ZBTB43: variants seen among roughly 807,000 people sequenced by gnomAD.
ZBTB43 encodes zinc finger and BTB domain-containing protein 43.
A neutral mutation model predicts 31.1 loss-of-function variants in ZBTB43; 6 were observed. That is an observed-to-expected ratio of 0.19 (90% CI 0.11 to 0.38). The LOEUF (loss-of-function observed/expected upper bound fraction) is 0.38, where lower values mean the gene tolerates loss of function less well. ZBTB43 is among the 10% of genes least tolerant of loss of function. ZBTB43 has a pLI of 1.00. For synonymous variants in ZBTB43, 212 were observed against 221.7 expected, an observed-to-expected ratio of 0.96 and a Z score of 0.39; for missense variants, 379 against 602.1, an observed-to-expected ratio of 0.63 and a Z score of 3.88.
chr9:126,822,719 A>G (rs1056460918), intron 2 of ZBTB43, among the ~76,000 whole-genome samples: 2 of 152,178 alleles, frequency 1.3e-5, no homozygotes, highest in African/African-American at 4.8e-5. Context: ...CATCCTGGGC[A>G]GCAGAGCGAG....
intron 2 of ZBTB43, among the ~76,000 whole-genome samples, chr9:126,821,169 A>C (rs1162342917): frequency 6.6e-6 from 1 of 151,734 alleles, no homozygotes; most frequent in Non-Finnish European, 1.5e-5. Flanking sequence ...AGGAGTTTGA[A>C]ACCAGCCTAG....
rs549151696 is a variant in ZBTB43, at chr9:126,813,376, C to T, written c.-24+4461C>T. On this transcript the variant is annotated intron_variant, in intron 2 of 2. Transcript: ENST00000373464. ...CTCCTGCTTTAGTCCGTCAGCAGATCAACCTTCCTTAACCATGCCTCACAG... is the reference window on the plus strand; with the variant it reads ...CTCCTGCTTTAGTCCGTCAGCAGATTAACCTTCCTTAACCATGCCTCACAG... Among the ~76,000 whole-genome samples, 7 of 152,334 alleles carry T rather than the reference C, an allele frequency of 4.6e-5. No individual in the cohort carries two copies. In the East Asian group the frequency reaches 1.2e-3, roughly 25 times the overall value.
rs200047024 is a variant in ZBTB43 at position 126,833,164 on chromosome 9, G to A, written c.655G>A (p.Ala219Thr). ...GGCAAGCCAGGATGGGGAGGAGGGCGCCAGCGACAGCGCCGAGTTCCACTA... is the reference window on the plus strand; with the variant it reads ...GGCAAGCCAGGATGGGGAGGAGGGCACCAGCGACAGCGCCGAGTTCCACTA... Reference protein sequence around the residue: ...EMASQDGEEGASDSAEFHYTR... With the variant: ...EMASQDGEEGTSDSAEFHYTR... Residue 219 changes from alanine to threonine, a missense_variant, in exon 3 of 3, where the codon GCC (alanine) becomes ACC (threonine). Physicochemically the swap from Ala to Thr is moderately conservative, Grantham distance 58. Around this residue, in one of 5 missense-constraint regions of ZBTB43, gnomAD observed 253 missense variants for 322.3 expected, o/e 0.79. Coordinates refer to ENST00000373464, the MANE Select transcript of ZBTB43 (RefSeq NM_014007.4). The surrounding 1 kb of genome is among the most constrained non-coding windows in gnomAD (Gnocchi z 7.9). 10 of 1,613,772 alleles carry A rather than the reference G, an allele frequency of 6.2e-6. No homozygotes were observed. Among genetic ancestry groups the A allele is most frequent in the East Asian group, 4.5e-5 (2 of 44,868 alleles).
At chr9:126,815,230 CAATATATAAAACTATATATATATAGT>C (rs2032350569) in intron 2 of ZBTB43, among the ~76,000 whole-genome samples, 1 of 48,214 alleles carries the variant, frequency 2.1e-5, no homozygotes, top group Non-Finnish European at 4.8e-5. Context: ...ATATAGTTTT[CAATATATAAAACTATATATATATAGT>C]TTTCAATATA....
chr9:126,805,264 C>T (rs1023134556), intron 1 of ZBTB43, 132 bp downstream of exon 1: 1 of 152,492 alleles, frequency 6.6e-6, no homozygotes, highest in Non-Finnish European at 1.5e-5. Flanking sequence ...ACCGGCATAC[C>T]AAAGCCCCGC....
At chr9:126,826,294 G>A (rs2032634468) in intron 2 of ZBTB43, among the ~76,000 whole-genome samples, 1 of 149,736 alleles carries the variant, frequency 6.7e-6, no homozygotes, top group Non-Finnish European at 1.5e-5. Context: ...TTACAGGCAT[G>A]AGCCACCATG....
Position 126,834,015 on chromosome 9 carries a change from G to C in ZBTB43, c.*102G>C. 1 of 1,188,120 alleles carries C rather than the reference G, an allele frequency of 8.4e-7. No individual in the cohort carries two copies. Among genetic ancestry groups the C allele is most frequent in the Non-Finnish European group, 1.1e-6 (1 of 881,584 alleles). The allele number at this position is 1,188,120 out of a possible 1,614,324, so 73.6% of individuals were successfully genotyped here. On this transcript the variant is annotated 3_prime_UTR_variant, in exon 3 of 3. Coordinates refer to ENST00000373464, the MANE Select transcript of ZBTB43 (RefSeq NM_014007.4). ...CGTGCTACTTGCTATTATGAGAGAAGCTTAAAAAAAAAAAGGAAGATATTT... is the reference window on the plus strand; with the variant it reads ...CGTGCTACTTGCTATTATGAGAGAACCTTAAAAAAAAAAAGGAAGATATTT...
In ZBTB43 at chr9:126,812,975, C is replaced by T. The variant is rs569015073; in HGVS notation, c.-24+4060C>T. On this transcript the variant is annotated intron_variant, in intron 2 of 2. Transcript: ENST00000373464. ...CACCCCTTTTCCATACCCACTGTTA[C>T]TTTTTTTTTTTTTCTTTTTTTTGAG... is the stretch of plus-strand genomic sequence containing the variant. 1.3e-3 allele frequency among the ~76,000 whole-genome samples: 191 copies of T among 143,724 alleles called. 1 individual carries two copies. The highest frequency in any genetic ancestry group is 5.8e-3 in the South Asian group (26 of 4,500). The allele number at this position is 143,724 out of a possible 152,430, so 94.3% of individuals were successfully genotyped here. A position where few individuals can be genotyped will look rare whatever the true frequency, so the allele number is the denominator to read the frequency against.
At chr9:126,819,688 G>A (rs2032469295) in intron 2 of ZBTB43, among the ~76,000 whole-genome samples, 2 of 152,062 alleles carry the variant, frequency 1.3e-5, no homozygotes, top group African/African-American at 2.4e-5. Flanking sequence ...GAAAGGAGGA[G>A]TCATATGCTT....
intron 2 of ZBTB43, among the ~76,000 whole-genome samples, chr9:126,825,676 T>G (rs2032615392): frequency 6.6e-6 from 1 of 151,994 alleles, no homozygotes; most frequent in African/African-American, 2.4e-5. Context: ...CTCATTTAGG[T>G]TAATTACCTC....
In ZBTB43 at chr9:126,824,137, C is replaced by A. The variant is rs147037167; in HGVS notation, c.-23-8350C>A. On this transcript the variant is annotated intron_variant, in intron 2 of 2. Coordinates refer to ENST00000373464, the MANE Select transcript of ZBTB43 (RefSeq NM_014007.4). The stretch of plus-strand genomic sequence containing the variant: ...AACCTCCTGGGTTCGAGCGATTCTA[C>A]TGCCTCAGCCTCCCAAGTAACTGGG... 5.6e-3 allele frequency among the ~76,000 whole-genome samples: 849 copies of A among 152,250 alleles called. 15 individuals carry two copies. The highest frequency in any genetic ancestry group is 0.019 in the African/African-American group (805 of 41,542).
At chr9:126,826,367 G>A (rs1268891641) in intron 2 of ZBTB43, among the ~76,000 whole-genome samples, 3 of 149,590 alleles carry the variant, frequency 2.0e-5, no homozygotes, top group Non-Finnish European at 4.4e-5. Flanking sequence ...GGCTGGTCTC[G>A]AACTCCTGAC....
Position 126,833,405 on chromosome 9 carries a change from A to G in ZBTB43, c.896A>G (p.Glu299Gly). 1 of 1,614,098 alleles carries G rather than the reference A, an allele frequency of 6.2e-7. No individual in the cohort carries two copies. The highest frequency in any genetic ancestry group is 8.5e-7 in the Non-Finnish European group (1 of 1,180,002). The change falls in exon 3 of 3, where the codon GAA becomes GGA. Residue 299 changes from glutamate to glycine, a missense_variant. By Grantham distance (98) the Glu-to-Gly change is moderately conservative (BLOSUM62 -2). Around this residue, in one of 5 missense-constraint regions of ZBTB43, gnomAD observed 253 missense variants for 322.3 expected, o/e 0.79. Coordinates refer to ENST00000373464, the MANE Select transcript of ZBTB43 (RefSeq NM_014007.4). This position sits in a 1 kb window ranked among gnomAD's most constrained non-coding sequence, Gnocchi z 7.9. ...EDFHIGEKKV[E>G]AEFDEQADES... is the part of the protein sequence containing the mutation. ...TTCCACATCGGGGAGAAGAAAGTGG[A>G]AGCTGAGTTTGATGAACAGGCTGAT...
intron 2 of ZBTB43, among the ~76,000 whole-genome samples, chr9:126,810,071 G>A (rs1046735117): frequency 3.9e-5 from 6 of 152,110 alleles, no homozygotes; most frequent in Non-Finnish European, 5.9e-5. Context: ...TCCTGACCTT[G>A]TGATCCACGG....
intron 2 of ZBTB43, among the ~76,000 whole-genome samples, chr9:126,820,861 A>G (rs771259448): frequency 3.3e-5 from 5 of 149,812 alleles, no homozygotes; most frequent in African/African-American, 4.9e-5. Context: ...CCACCTACCC[A>G]GGATGCAGAG....
intron 2 of ZBTB43, among the ~76,000 whole-genome samples, chr9:126,819,256 A>C: frequency 7.7e-6 from 1 of 130,196 alleles, no homozygotes. Context: ...GGCATACCTC[A>C]TTTTGTGCTT....
At chr9:126,810,447 G>A (rs1256744885) in intron 2 of ZBTB43, among the ~76,000 whole-genome samples, 1 of 146,222 alleles carries the variant, frequency 6.8e-6, no homozygotes, top group Non-Finnish European at 1.5e-5. Context: ...ACCGTCTCGT[G>A]CTCCCAAAGT....
At chr9:126,823,118 C>G (rs1564204044) in intron 2 of ZBTB43, among the ~76,000 whole-genome samples, 3 of 152,034 alleles carry the variant, frequency 2.0e-5, no homozygotes, top group Non-Finnish European at 4.4e-5. Context: ...TTATAGCAGG[C>G]TTAACTGGTT....
chr9:126,813,371 C>T lies in ZBTB43; in HGVS notation c.-24+4456C>T, dbSNP rs138700776. ...ACTTTCTCCTGCTTTAGTCCGTCAG[C>T]AGATCAACCTTCCTTAACCATGCCT... On this transcript the variant is annotated intron_variant, in intron 2 of 2. Transcript: ENST00000373464. 3.7e-3 allele frequency among the ~76,000 whole-genome samples: 568 copies of T among 152,306 alleles called. 7 individuals are homozygous for T. Among genetic ancestry groups the T allele is most frequent in the African/African-American group, 0.013 (526 of 41,552 alleles).
Sources: allele counts gnomAD v4.1 joint callset (sites outside exome capture counted in the v4.1 genomes callset), GRCh38; gene constraint gnomAD v4.1.1; regional missense constraint gnomAD v4.1.1; non-coding constraint Gnocchi (gnomAD v3.1); transcripts MANE v1.5; gene names NCBI Gene and HGNC (gene_info 2026-07-23, HGNC 2026-07-21).